The following PLCXD2 variants were observed in gnomAD, a reference collection of about 807,000 sequenced individuals.
PLCXD2 encodes the protein PI-PLC X domain-containing protein 2.
PLCXD2 carries 21 observed loss-of-function variants against 28.6 expected under a neutral mutation model. The observed-to-expected ratio is 0.73, with a 90% CI of 0.52 to 1.06. The LOEUF is 1.06. Among genes scored for constraint, PLCXD2 ranks in the 50% least tolerant of loss-of-function variants. The probability of loss-of-function intolerance (pLI) is 0.00; values close to 1 mark genes in which losing one functional copy is unlikely to be tolerated. For missense variants in PLCXD2, 369 were observed against 376.7 expected (o/e 0.98, Z 0.17); for synonymous variants, 140 against 150.1 (o/e 0.93, Z 0.49).
At chr3:111,677,239 A>G (rs547774987) in intron 1 of PLCXD2, 50 of 152,312 alleles carry the variant, frequency 3.3e-4, no homozygotes, top group Admixed American at 3.1e-3. Context: ...CATTAAGTGT[A>G]TGTATGTGTA....
At chr3:111,702,191 GA>G (rs963532994) in intron 1 of PLCXD2, among the ~76,000 whole-genome samples, 5 of 152,142 alleles carry the variant, frequency 3.3e-5, no homozygotes, top group African/African-American at 1.2e-4. Context: ...AAAGCAGACA[GA>G]AGGTAAAGGA....
At chr3:111,709,442 C>T (rs1307717076) in intron 2 of PLCXD2, among the ~76,000 whole-genome samples, 1 of 147,150 alleles carries the variant, frequency 6.8e-6, no homozygotes, top group East Asian at 1.9e-4. Flanking sequence ...TATGTATATT[C>T]TCTCTCCATA....
chr3:111,708,338 C>A lies in PLCXD2; in HGVS notation c.576C>A (p.Cys192Ter), dbSNP rs754437797. ...TTGGAAACAAGCTGTGCCCAGCCTG[C>A]AGTGTGGAAAGTTTGACGCTGCGAA... Residue 192 changes from cysteine (C) to a stop codon, truncating the protein, a stop_gained, in exon 2 of 5, where the codon TGC (cysteine) becomes TGA (stop). Transcript: ENST00000477665. LOFTEE classifies it high-confidence loss of function. 6.2e-7 allele frequency: 1 copy of A among 1,614,128 alleles called. No homozygotes were observed. Among genetic ancestry groups the A allele is most frequent in the East Asian group, 2.2e-5 (1 of 44,880 alleles).
chr3:111,712,045 G>C (rs147415351), intron 2 of PLCXD2, among the ~76,000 whole-genome samples: 7 of 152,040 alleles, frequency 4.6e-5, no homozygotes, highest in East Asian at 1.9e-4. Context: ...ACAGAGGTTG[G>C]GGGGAGAGGG....
intron 1 of PLCXD2, among the ~76,000 whole-genome samples, chr3:111,696,245 T>A (rs1335205151): frequency 6.6e-6 from 1 of 152,236 alleles, no homozygotes; most frequent in Non-Finnish European, 1.5e-5. Flanking sequence ...TCTTCTGACC[T>A]AGTTGAGCCT....
intron 2 of PLCXD2, among the ~76,000 whole-genome samples, chr3:111,712,848 A>G (rs1941220036): frequency 6.6e-6 from 1 of 152,242 alleles, no homozygotes; most frequent in Non-Finnish European, 1.5e-5. Flanking sequence ...AAACCTTCAC[A>G]GCAGAGCTCT....
At chr3:111,726,390 C>T (rs953107956) in intron 3 of PLCXD2, 1 of 152,262 alleles carries the variant, frequency 6.6e-6, no homozygotes, top group Non-Finnish European at 1.5e-5. Context: ...AACTGTACTA[C>T]TTAACCTCAC....
intron 1 of PLCXD2, among the ~76,000 whole-genome samples, chr3:111,691,646 A>G (rs891116324): frequency 6.6e-6 from 1 of 152,246 alleles, no homozygotes; most frequent in Admixed American, 6.5e-5. Context: ...AAGTAAATGA[A>G]CAATGCACTT....
intron 1 of PLCXD2, among the ~76,000 whole-genome samples, chr3:111,689,054 A>G (rs1940838041): frequency 6.6e-6 from 1 of 152,234 alleles, no homozygotes; most frequent in Non-Finnish European, 1.5e-5. Flanking sequence ...AAATAAAAGC[A>G]GAATGAGGTG....
intron 1 of PLCXD2, among the ~76,000 whole-genome samples, chr3:111,702,916 A>G (rs1291521064): frequency 6.6e-6 from 1 of 152,202 alleles, no homozygotes; most frequent in African/African-American, 2.4e-5. Flanking sequence ...TGTAAGTACT[A>G]TTTGCAGATT....
chr3:111,711,633 T>C (rs1293143522), intron 2 of PLCXD2, among the ~76,000 whole-genome samples: 2 of 152,184 alleles, frequency 1.3e-5, no homozygotes, highest in South Asian at 4.1e-4. Flanking sequence ...ATCATAGCCA[T>C]AGGTATATAT....
chr3:111,683,350 G>T (rs749240766), intron 1 of PLCXD2, among the ~76,000 whole-genome samples: 4 of 152,174 alleles, frequency 2.6e-5, no homozygotes, highest in Admixed American at 6.5e-5. Flanking sequence ...TAGATATGAG[G>T]CTGGGAAAGT....
At chr3:111,679,277 G>T (rs1463181130) in intron 1 of PLCXD2, among the ~76,000 whole-genome samples, 3 of 152,148 alleles carry the variant, frequency 2.0e-5, no homozygotes, top group Admixed American at 2.0e-4. Flanking sequence ...TGGGAAGGAG[G>T]CTTTCCAGGT....
At chr3:111,714,257 T>C in intron 3 of PLCXD2, 129 bp downstream of exon 3, 1 of 1,257,156 alleles carries the variant, frequency 8.0e-7, no homozygotes, top group Non-Finnish European at 1.1e-6. Context: ...AGCAAAAAAC[T>C]TTGTATTCGA....
At chr3:111,689,172 G>T (rs535241324) in intron 1 of PLCXD2, among the ~76,000 whole-genome samples, 1 of 152,262 alleles carries the variant, frequency 6.6e-6, no homozygotes, top group South Asian at 2.1e-4. Flanking sequence ...CCTGTGAGCT[G>T]GACTGTGAGA....
intron 1 of PLCXD2, among the ~76,000 whole-genome samples, chr3:111,706,846 C>A (rs1206166803): frequency 6.7e-6 from 1 of 149,072 alleles, no homozygotes; most frequent in Non-Finnish European, 1.5e-5. Flanking sequence ...GAAAGAAGGT[C>A]ATTATATAAA....
intron 1 of PLCXD2, among the ~76,000 whole-genome samples, chr3:111,699,072 C>T (rs1941005058): frequency 6.6e-6 from 1 of 152,128 alleles, no homozygotes; most frequent in East Asian, 1.9e-4. Flanking sequence ...GTTAGAAGGA[C>T]TTAGAGACAG....
chr3:111,720,044 A>G (rs533361428), intron 3 of PLCXD2, among the ~76,000 whole-genome samples: 1 of 152,320 alleles, frequency 6.6e-6, no homozygotes, highest in African/African-American at 2.4e-5. Flanking sequence ...TGACAGATTG[A>G]TGGATAGATA....
intron 3 of PLCXD2, chr3:111,722,165 G>A (rs1025164602): frequency 3.5e-5 from 5 of 144,834 alleles, no homozygotes; most frequent in Non-Finnish European, 6.1e-5. Context: ...TATCTATAAG[G>A]AGCCCTCTTG....
Sources: allele counts gnomAD v4.1 joint callset (sites outside exome capture counted in the v4.1 genomes callset), GRCh38; gene constraint gnomAD v4.1.1; transcripts MANE v1.5; gene names NCBI Gene and HGNC (gene_info 2026-07-23, HGNC 2026-07-21).